The following VPS50 variants were observed in gnomAD, a reference collection of about 807,000 sequenced individuals.
The protein encoded by VPS50 is VPS50 subunit of EARP/GARPII complex.
VPS50 carries 70 observed loss-of-function variants against 139.7 expected under a neutral mutation model. The observed-to-expected ratio is 0.50, with a 90% CI of 0.41 to 0.61. The LOEUF (loss-of-function observed/expected upper bound fraction) is 0.61, where lower values mean the gene tolerates loss of function less well. VPS50 is among the 20% of genes least tolerant of loss of function. VPS50 has a pLI of 0.00. For missense variants in VPS50, 921 were observed against 1,133.7 expected, an observed-to-expected ratio of 0.81 and a Z score of 2.69; for synonymous variants, 365 against 376.7, an observed-to-expected ratio of 0.97 and a Z score of 0.36.
chr7:93,327,781 A>T (rs1015096036), intron 21 of VPS50, among the ~76,000 whole-genome samples: 6 of 152,022 alleles, frequency 3.9e-5, no homozygotes, highest in African/African-American at 1.4e-4. Flanking sequence ...ATAAATAAAT[A>T]CTCCAAATTT....
chr7:93,240,603 G>A (rs1416074289), intron 2 of VPS50, among the ~76,000 whole-genome samples: 1 of 152,140 alleles, frequency 6.6e-6, no homozygotes, highest in Non-Finnish European at 1.5e-5. Flanking sequence ...GCTTGGAGCT[G>A]CCCATGTGAA....
chr7:93,356,067 T>C lies in VPS50; in HGVS notation c.2762T>C (p.Ile921Thr). 6.7e-7 allele frequency: 1 copy of C among 1,482,746 alleles called. No individual in the cohort carries two copies. The highest frequency in any genetic ancestry group is 9.1e-7 in the Non-Finnish European group (1 of 1,094,736). 91.8% of individuals were successfully genotyped at this position (1,482,746 alleles called of 1,614,324 possible). ...ACTGAGAATGACATGGAACGGTGGATCAAAGAGCACAGGGTGAGAGCTGGA... is the reference window on the plus strand; with the variant it reads ...ACTGAGAATGACATGGAACGGTGGACCAAAGAGCACAGGGTGAGAGCTGGA... ...YLTENDMERW[I>T]KEHREYSTKQ... Residue 921 changes from isoleucine (I) to threonine (T), a missense_variant, in exon 27 of 28, where the codon ATC becomes ACC. This residue lies in a region of VPS50 where 158 missense variants were observed against 156.3 expected (regional missense o/e 1.01). Coordinates refer to ENST00000305866, the MANE Select transcript of VPS50 (RefSeq NM_017667.4).
At chr7:93,357,551 C>T (rs981675783) in intron 27 of VPS50, among the ~76,000 whole-genome samples, 7 of 152,086 alleles carry the variant, frequency 4.6e-5, no homozygotes, top group African/African-American at 1.7e-4. Context: ...TTTTTAAAAT[C>T]AATTCTTTCT....
intron 2 of VPS50, among the ~76,000 whole-genome samples, chr7:93,249,685 G>A (rs371541079): frequency 3.3e-5 from 5 of 152,238 alleles, no homozygotes; most frequent in African/African-American, 1.2e-4. Context: ...GGGAGGCAGT[G>A]TTGCCATGTC....
At chr7:93,256,975 G>A (rs886624192) in intron 5 of VPS50, among the ~76,000 whole-genome samples, 1 of 152,050 alleles carries the variant, frequency 6.6e-6, no homozygotes, top group Non-Finnish European at 1.5e-5. Context: ...AAAATCCATT[G>A]AAATGTCTAC....
intron 9 of VPS50, among the ~76,000 whole-genome samples, chr7:93,261,444 G>A (rs1027575850): frequency 3.9e-5 from 6 of 152,016 alleles, no homozygotes; most frequent in Non-Finnish European, 8.8e-5. Context: ...TTGGGAGGCC[G>A]AGGCGGGCGG....
At chr7:93,352,257 C>T (rs961961459) in intron 25 of VPS50, among the ~76,000 whole-genome samples, 3 of 152,052 alleles carry the variant, frequency 2.0e-5, no homozygotes, top group African/African-American at 7.2e-5. Context: ...TAAATAAATA[C>T]AGTAACAAAT....
intron 1 of VPS50, among the ~76,000 whole-genome samples, chr7:93,238,995 C>G (rs1794900384): frequency 6.6e-6 from 1 of 152,110 alleles, no homozygotes; most frequent in Non-Finnish European, 1.5e-5. Flanking sequence ...ATACACATCT[C>G]TGTAGTTTAA....
chr7:93,272,424 A>G (rs563857935), intron 10 of VPS50, among the ~76,000 whole-genome samples: 1 of 152,014 alleles, frequency 6.6e-6, no homozygotes, highest in South Asian at 2.1e-4. Flanking sequence ...TCACATGTTA[A>G]TATCTTGGTA....
intron 12 of VPS50, among the ~76,000 whole-genome samples, chr7:93,278,639 G>A (rs1365874614): frequency 6.7e-6 from 1 of 148,736 alleles, no homozygotes; most frequent in Non-Finnish European, 1.5e-5. Context: ...TTTTGAAGTA[G>A]TTGTGTATAT....
chr7:93,328,082 T>G (rs866163453), intron 21 of VPS50, among the ~76,000 whole-genome samples: 3 of 152,218 alleles, frequency 2.0e-5, no homozygotes, highest in African/African-American at 7.2e-5. Flanking sequence ...GAACTGGTTA[T>G]AACCTACTAC....
intron 1 of VPS50, 29 bp downstream of exon 1, chr7:93,232,529 T>C: frequency 1.2e-6 from 2 of 1,602,886 alleles, no homozygotes. Flanking sequence ...AGCAAAGGCT[T>C]CCTTCATCTC....
chr7:93,246,434 T>A (rs560405671), intron 2 of VPS50, among the ~76,000 whole-genome samples: 8 of 151,734 alleles, frequency 5.3e-5, no homozygotes, highest in Non-Finnish European at 7.4e-5. Flanking sequence ...TGCATTTCAT[T>A]TTTTATTCTA....
At chr7:93,248,318 A>G (rs1022098958) in intron 2 of VPS50, among the ~76,000 whole-genome samples, 7 of 151,744 alleles carry the variant, frequency 4.6e-5, no homozygotes, top group African/African-American at 1.7e-4. Context: ...TGTTTATGTA[A>G]AATTTGGGCT....
At chr7:93,313,525 C>T (rs1400306024) in intron 20 of VPS50, among the ~76,000 whole-genome samples, 4 of 152,126 alleles carry the variant, frequency 2.6e-5, no homozygotes, top group Non-Finnish European at 5.9e-5. Flanking sequence ...ACATCAAATA[C>T]AATGCTTAAC....
Position 93,355,982 on chromosome 7 carries a change from G to T in VPS50, c.2677G>T (p.Asp893Tyr), listed in dbSNP as rs377675568. 1 of 1,593,532 alleles carries T rather than the reference G, an allele frequency of 6.3e-7. No homozygotes were observed. The highest frequency in any genetic ancestry group is 8.6e-7 in the Non-Finnish European group (1 of 1,163,318). ...TTTAATGAAACTTGAAAAACTAACA[G>T]ATATTAGACCCATTCCTGATAAAGA... ...QFLMKLEKLTDIRPIPDKEFV... is the reference protein window; with the variant it reads ...QFLMKLEKLTYIRPIPDKEFV... The change falls in exon 27 of 28, where the codon GAT becomes TAT. Residue 893 changes from aspartate to tyrosine, a missense_variant. Around this residue, in one of 3 missense-constraint regions of VPS50, gnomAD observed 158 missense variants for 156.3 expected, o/e 1.01. Coordinates refer to ENST00000305866, the MANE Select transcript of VPS50 (RefSeq NM_017667.4).
chr7:93,351,302 A>AG (rs1798550102), intron 25 of VPS50, among the ~76,000 whole-genome samples: 1 of 152,212 alleles, frequency 6.6e-6, no homozygotes, highest in Non-Finnish European at 1.5e-5. Flanking sequence ...GGAGATTTCA[A>AG]TTGCAAATTT....
chr7:93,293,105 G>A (rs1160786630), intron 13 of VPS50, among the ~76,000 whole-genome samples: 2 of 152,106 alleles, frequency 1.3e-5, no homozygotes, highest in Non-Finnish European at 2.9e-5. Flanking sequence ...AACCCTTAGA[G>A]TAGTAACGCA....
At chr7:93,271,613 TTTACCTGTA>T (rs1329370014) in intron 10 of VPS50, among the ~76,000 whole-genome samples, 2 of 151,760 alleles carry the variant, frequency 1.3e-5, no homozygotes, top group African/African-American at 4.8e-5. Flanking sequence ...AGTGAGTTAA[TTTACCTGTA>T]AGTAATTATT....
Sources: gnomAD v4.1 joint callset for allele counts (sites outside exome capture counted in the v4.1 genomes callset) on GRCh38, gnomAD v4.1.1 for gene constraint, gnomAD v4.1.1 regional missense constraint, MANE v1.5 for transcripts, NCBI Gene and HGNC (gene_info 2026-07-23, HGNC 2026-07-21) for gene names.